Variants in MTCL1 observed in about 807,000 individuals in gnomAD.
The protein encoded by MTCL1 is microtubule cross-linking factor 1.
Under a neutral mutation model 141.4 loss-of-function variants are expected in MTCL1, and 79 were observed. That is an observed-to-expected ratio of 0.56 (90% CI 0.47 to 0.67). The LOEUF (loss-of-function observed/expected upper bound fraction) is 0.67. Ranked by LOEUF, MTCL1 falls within the 30% of genes least tolerant of loss-of-function variation. MTCL1 has a pLI of 0.00. For missense variants in MTCL1, 2,177 were observed against 2,113.9 expected, an observed-to-expected ratio of 1.03 and a Z score of -0.59; for synonymous variants, 914 against 875.8, an observed-to-expected ratio of 1.04 and a Z score of -0.77.
At chr18:8,746,834 T>C (rs2096341306) in intron 4 of MTCL1, among the ~76,000 whole-genome samples, 1 of 152,136 alleles carries the variant, frequency 6.6e-6, no homozygotes, top group South Asian at 2.1e-4. Context: ...GTCATGAATA[T>C]ATACCCGAGG....
At chr18:8,788,586 A>T (rs2143691739) in intron 7 of MTCL1, among the ~76,000 whole-genome samples, 1 of 152,332 alleles carries the variant, frequency 6.6e-6, no homozygotes, top group East Asian at 1.9e-4. Context: ...TCATAGTTGT[A>T]CCAGCAGCAG....
intron 11 of MTCL1, among the ~76,000 whole-genome samples, chr18:8,812,272 A>C (rs2076512538): frequency 6.6e-6 from 1 of 152,114 alleles, no homozygotes; most frequent in African/African-American, 2.4e-5. Context: ...GTCTGTTGGC[A>C]ATGGTTTTTT....
At chr18:8,794,416 A>G (rs78742581) in intron 8 of MTCL1, among the ~76,000 whole-genome samples, 3,600 of 152,306 alleles carry the variant, frequency 0.024, 75 homozygotes, top group Non-Finnish European at 0.034. Flanking sequence ...TCATGGAGCC[A>G]TGGAACAGAA....
At chr18:8,720,356 G>A (rs1429728427) in exon 4 of MTCL1, 1 of 1,614,062 alleles carries the variant, frequency 6.2e-7, no homozygotes, top group African/African-American at 1.3e-5. Context: ...AGATGTATCT[G>A]TCAGATTGCA....
chr18:8,753,158 G>A (rs1035659209), intron 4 of MTCL1, among the ~76,000 whole-genome samples: 1 of 152,130 alleles, frequency 6.6e-6, no homozygotes, highest in Non-Finnish European at 1.5e-5. Flanking sequence ...CTGGACCCAG[G>A]GAAGCCCAAC....
rs1346594474 is a variant in MTCL1 at position 8,828,631 on chromosome 18, A to G, written c.4723-277A>G. ...ACTCGGAAGCATAGAAACTAGAGGGAGGTCTGTGACTCCTCCATGGAGTTT... is the reference window on the plus strand; with the variant it reads ...ACTCGGAAGCATAGAAACTAGAGGGGGGTCTGTGACTCCTCCATGGAGTTT... On this transcript the variant is annotated intron_variant, in intron 15 of 16. Transcript: ENST00000359865. This position sits in a 1 kb window ranked among gnomAD's most constrained non-coding sequence, Gnocchi z 5.2. 6.6e-6 allele frequency among the ~76,000 whole-genome samples: 1 copy of G among 152,180 alleles called. No individual in the cohort carries two copies. Among genetic ancestry groups the G allele is most frequent in the Admixed American group, 6.5e-5 (1 of 15,282 alleles).
intron 4 of MTCL1, among the ~76,000 whole-genome samples, chr18:8,749,648 A>G (rs765694187): frequency 1.1e-4 from 17 of 152,226 alleles, no homozygotes; most frequent in Non-Finnish European, 2.4e-4. Flanking sequence ...AGAGAGTGAC[A>G]AGAGCACAGG....
intron 4 of MTCL1, among the ~76,000 whole-genome samples, chr18:8,734,502 TC>T (rs2096266539): frequency 6.6e-6 from 1 of 152,118 alleles, no homozygotes; most frequent in East Asian, 1.9e-4. Flanking sequence ...CCCTGCATTT[TC>T]TAGCTGATTG....
Position 8,783,926 on chromosome 18 carries a change from A to G in MTCL1, c.814A>G (p.Thr272Ala), listed in dbSNP as rs1202210219. 3 of 1,613,404 alleles carry G rather than the reference A, an allele frequency of 1.9e-6. No homozygotes were observed. The highest frequency in any genetic ancestry group is 1.3e-5 in the African/African-American group (1 of 74,942). ...CTTCGGTGACTCCCTGGAGTCCTCC[A>G]CTGAGCTCCGCCGCCACCTGCAGTT... is the stretch of plus-strand genomic sequence containing the variant. Residue 272 changes from threonine (T) to alanine (A), a missense_variant, in exon 6 of 17, where the codon ACT becomes GCT. Thr to Ala is a moderately conservative substitution (Grantham distance 58, BLOSUM62 0). Transcript: ENST00000359865.
At chr18:8,720,899 G>A (rs653930) in intron 4 of MTCL1, among the ~76,000 whole-genome samples, 49,292 of 151,890 alleles carry the variant, frequency 0.32, 8,432 homozygotes, top group Admixed American at 0.44. Context: ...AGAATACAGA[G>A]TTAAGAAGTA....
chr18:8,756,431 A>ATGTGTG (rs1567983695), intron 4 of MTCL1, among the ~76,000 whole-genome samples: 1 of 143,896 alleles, frequency 6.9e-6, no homozygotes, highest in African/African-American at 2.9e-5. Flanking sequence ...ATATGTGTAT[A>ATGTGTG]TATGTATATA....
intron 15 of MTCL1, 57 bp downstream of exon 14, chr18:8,826,289 G>T: frequency 7.0e-7 from 1 of 1,422,878 alleles, no homozygotes; most frequent in Non-Finnish European, 9.4e-7. Flanking sequence ...TTTAGCTGTG[G>T]GGCAGGTTGG....
At position 8,792,886 on chromosome 18, in the gene MTCL1, A is replaced by C. The variant is rs1042867819; in HGVS notation, c.1888-112A>C. The C allele has an allele frequency of 8.2e-5, 118 of 1,445,080 alleles. 1 individual carries two copies. The Admixed American group carries it at 2.2e-3, about 27-fold the overall frequency. 89.5% of individuals were successfully genotyped at this position (1,445,080 alleles called of 1,614,324 possible). On this transcript the variant is annotated intron_variant, in intron 7 of 16. Transcript: ENST00000359865. ...CACTCCACTGCTGCAGTGCCCACAC[A>C]TGCTGTGTCGCTCCGTGTGCGTCCC...
intron 10 of MTCL1, among the ~76,000 whole-genome samples, chr18:8,804,216 A>T (rs902064254): frequency 2.0e-5 from 3 of 150,936 alleles, no homozygotes; most frequent in Non-Finnish European, 4.4e-5. Context: ...TTGTTGTGAC[A>T]CCTCTTGTCA....
At chr18:8,811,113 G>A (rs948256514) in intron 11 of MTCL1, 1 of 152,194 alleles carries the variant, frequency 6.6e-6, no homozygotes, top group Admixed American at 6.5e-5. Context: ...TTAACAACAA[G>A]GTTTATTTAG....
intron 4 of MTCL1, among the ~76,000 whole-genome samples, chr18:8,760,251 G>A (rs905915175): frequency 2.0e-5 from 3 of 152,194 alleles, no homozygotes; most frequent in Admixed American, 6.5e-5. Flanking sequence ...CTGTGAGGAA[G>A]GAGAACGGGT....
intron 16 of MTCL1, chr18:8,829,073 C>A (rs1188280295): frequency 6.3e-7 from 1 of 1,577,778 alleles, no homozygotes; most frequent in Non-Finnish European, 8.6e-7. Flanking sequence ...GGTGGCGGTA[C>A]CCTCGCTCAC....
chr18:8,821,076 C>G (rs888193158), intron 13 of MTCL1, among the ~76,000 whole-genome samples: 4 of 152,190 alleles, frequency 2.6e-5, no homozygotes, highest in Non-Finnish European at 5.9e-5. Flanking sequence ...TAACATAACA[C>G]ATGCACACTC....
At chr18:8,708,937 G>A (rs562293226) in intron 1 of MTCL1, among the ~76,000 whole-genome samples, 3 of 152,314 alleles carry the variant, frequency 2.0e-5, no homozygotes, top group South Asian at 2.1e-4. Flanking sequence ...AGATGATTGC[G>A]TGTATGCATG....
Sources: allele counts gnomAD v4.1 joint callset (sites outside exome capture counted in the v4.1 genomes callset), GRCh38; gene constraint gnomAD v4.1.1; non-coding constraint Gnocchi (gnomAD v3.1); transcripts MANE v1.5; gene names NCBI Gene and HGNC (gene_info 2026-07-23, HGNC 2026-07-21).